SYNPO2: variants seen among roughly 807,000 people sequenced by gnomAD.
The protein encoded by SYNPO2 is synaptopodin-2.
In SYNPO2, 56 loss-of-function variants were observed where a neutral mutation model predicts 85.0. That is an observed-to-expected ratio of 0.66 (90% CI 0.53 to 0.82). The LOEUF (loss-of-function observed/expected upper bound fraction) is 0.82, where lower values mean the gene tolerates loss of function less well. Ranked by LOEUF, SYNPO2 falls within the 40% of genes least tolerant of loss-of-function variation. The pLI, the probability that SYNPO2 is intolerant of heterozygous loss-of-function variation, is 0.00. For missense variants in SYNPO2, 1,575 were observed against 1,534.2 expected (o/e 1.03, Z -0.44); for synonymous variants, 602 against 591.1 (o/e 1.02, Z -0.27).
rs565610633 is a variant in SYNPO2 at position 118,938,800 on chromosome 4, C to A, written c.105+49659C>A. On this transcript the variant is annotated intron_variant, in intron 1 of 4. Coordinates refer to ENST00000307142, the MANE Select transcript of SYNPO2 (RefSeq NM_133477.3). ...TTGAAAAATAAGTCACCATTACTTT[C>A]TGTTTTTTCCATTGAGATTGCTGAG... 2.2e-4 allele frequency among the ~76,000 whole-genome samples: 34 copies of A among 152,302 alleles called. 1 individual carries two copies. In the South Asian group the frequency reaches 6.8e-3, roughly 31 times the overall value.
chr4:118,962,340 T>A (rs1735131137), intron 1 of SYNPO2, among the ~76,000 whole-genome samples: 1 of 152,222 alleles, frequency 6.6e-6, no homozygotes, highest in African/African-American at 2.4e-5. Flanking sequence ...TATGCTTTTT[T>A]ACTAGAGGCA....
intron 1 of SYNPO2, among the ~76,000 whole-genome samples, chr4:118,876,509 G>A (rs1303479654): frequency 1.3e-5 from 2 of 152,102 alleles, no homozygotes; most frequent in Non-Finnish European, 2.9e-5. Flanking sequence ...TCTCCAAGAT[G>A]CCAAGGAGGC....
At position 119,031,470 on chromosome 4, in the gene SYNPO2, C is replaced by T; in HGVS notation, c.2695C>T (p.Arg899Ter). Residue 899 changes from arginine to a stop codon, truncating the protein, a stop_gained, in exon 4 of 5, where the codon CGA becomes TGA. Transcript: ENST00000307142. LOFTEE classifies it high-confidence loss of function. ...AGACACGGTGCAGGCCCACGCTGCT[C>T]GAGCTCAGTCTCCCACTCCATCTCT... ...DSDTVQAHAA[R>*]AQSPTPSLPA... is the part of the protein sequence containing the mutation. The T allele has an allele frequency of 6.2e-7, 1 of 1,614,066 alleles. No individual in the cohort carries two copies. The highest frequency in any genetic ancestry group is 8.5e-7 in the Non-Finnish European group (1 of 1,180,014).
chr4:118,871,157 A>G (rs909082542), intron 1 of SYNPO2, among the ~76,000 whole-genome samples: 1 of 152,186 alleles, frequency 6.6e-6, no homozygotes, highest in African/African-American at 2.4e-5. Flanking sequence ...CAGTGCATCA[A>G]CACCAAACAG....
intron 1 of SYNPO2, among the ~76,000 whole-genome samples, chr4:118,892,346 T>C (rs1732404490): frequency 6.6e-6 from 1 of 152,188 alleles, no homozygotes; most frequent in African/African-American, 2.4e-5. Context: ...ATATTCTAAA[T>C]ATATGTGATG....
intron 1 of SYNPO2, among the ~76,000 whole-genome samples, chr4:118,922,236 TA>T (rs2149128802): frequency 6.6e-6 from 1 of 151,418 alleles, no homozygotes; most frequent in African/African-American, 2.4e-5. Flanking sequence ...TTGTTTCTGT[TA>T]CCCTTTTTAA....
intron 1 of SYNPO2, among the ~76,000 whole-genome samples, chr4:118,944,397 T>C (rs1734425249): frequency 6.6e-6 from 1 of 152,146 alleles, no homozygotes; most frequent in Non-Finnish European, 1.5e-5. Flanking sequence ...AACTCCTTAA[T>C]TATTTTTGGA....
intron 2 of SYNPO2, among the ~76,000 whole-genome samples, chr4:119,025,936 T>C (rs1413005439): frequency 2.0e-5 from 3 of 152,152 alleles, no homozygotes; most frequent in African/African-American, 7.2e-5. Flanking sequence ...AAGGAACAGT[T>C]TGACTTCAGA....
In SYNPO2 at chr4:118,944,477, G is replaced by A. The variant is rs1000567373; in HGVS notation, c.105+55336G>A. On this transcript the variant is annotated intron_variant, in intron 1 of 4. Coordinates refer to ENST00000307142, the MANE Select transcript of SYNPO2 (RefSeq NM_133477.3). The stretch of plus-strand genomic sequence containing the variant: ...AAATAAATGGACATATCCATATTGG[G>A]AGTAGCAGAACAACTTGAGTCAAAT... 2.6e-5 allele frequency among the ~76,000 whole-genome samples: 4 copies of A among 152,102 alleles called. No individual in the cohort carries two copies. The East Asian group carries it at 7.7e-4, about 29-fold the overall frequency.
At chr4:119,009,744 A>G (rs10013389) in intron 1 of SYNPO2, among the ~76,000 whole-genome samples, 88,617 of 151,988 alleles carry the variant, frequency 0.58, 25,865 homozygotes, top group South Asian at 0.64. Flanking sequence ...GTCCTCCCTA[A>G]GAAAGCCTGA....
intron 1 of SYNPO2, among the ~76,000 whole-genome samples, chr4:118,991,738 C>T (rs1028194348): frequency 6.6e-6 from 1 of 152,080 alleles, no homozygotes; most frequent in Non-Finnish European, 1.5e-5. Flanking sequence ...AACAATTGTA[C>T]TTAGAGGGAA....
chr4:118,861,650 T>C (rs1427293922), intron 1 of SYNPO2, among the ~76,000 whole-genome samples: 2 of 152,218 alleles, frequency 1.3e-5, no homozygotes, highest in Non-Finnish European at 2.9e-5. Flanking sequence ...ATGAGTTCAC[T>C]GTAGATGTAT....
In SYNPO2 at chr4:119,057,618, T is replaced by C. The variant is rs767516054; in HGVS notation, c.3470T>C (p.Val1157Ala). The C allele has an allele frequency of 3.1e-6, 5 of 1,614,012 alleles. No homozygotes were observed. The highest frequency in any genetic ancestry group is 1.7e-5 in the Admixed American group (1 of 59,996). The change falls in exon 5 of 5, where the codon GTG becomes GCG. Residue 1157 changes from valine (V) to alanine (A), a missense_variant. By Grantham distance (64) the Val-to-Ala change is moderately conservative (BLOSUM62 0). Around this residue, in one of 3 missense-constraint regions of SYNPO2, gnomAD observed 1,508 missense variants for 1,446.8 expected, o/e 1.04. Coordinates refer to ENST00000307142, the MANE Select transcript of SYNPO2 (RefSeq NM_133477.3). ...FQPRNIQESI[V>A]ANVVSAARRK... ...CCCAGAAACATCCAGGAATCCATTG[T>C]GGCAAATGTGGTTTCAGCAGCTCGG...
chr4:118,943,204 C>A (rs1445660936), intron 1 of SYNPO2, among the ~76,000 whole-genome samples: 1 of 152,062 alleles, frequency 6.6e-6, no homozygotes, highest in African/African-American at 2.4e-5. Flanking sequence ...ACACAACCAA[C>A]CATGTCCCCA....
At chr4:118,989,073 G>T (rs1386592819) in intron 1 of SYNPO2, among the ~76,000 whole-genome samples, 1 of 152,210 alleles carries the variant, frequency 6.6e-6, no homozygotes, top group African/African-American at 2.4e-5. Context: ...TTTGGAAATT[G>T]AATTTAAAGG....
At chr4:119,009,111 A>G (rs1737191100) in intron 1 of SYNPO2, among the ~76,000 whole-genome samples, 1 of 152,248 alleles carries the variant, frequency 6.6e-6, no homozygotes, top group African/African-American at 2.4e-5. Flanking sequence ...GTTACATTCC[A>G]TTGTACATCT....
chr4:118,967,159 T>G (rs1245044745), intron 1 of SYNPO2, among the ~76,000 whole-genome samples: 1 of 152,202 alleles, frequency 6.6e-6, no homozygotes, highest in East Asian at 1.9e-4. Context: ...GTGGTTGAAC[T>G]CAGCTACTGA....
intron 1 of SYNPO2, among the ~76,000 whole-genome samples, chr4:118,972,016 C>T (rs372405587): frequency 2.6e-5 from 4 of 152,308 alleles, no homozygotes; most frequent in African/African-American, 4.8e-5. Context: ...TGAACAGCTT[C>T]GTAGGCTTAC....
intron 1 of SYNPO2, among the ~76,000 whole-genome samples, chr4:118,962,478 A>C: frequency 6.6e-6 from 1 of 152,290 alleles, no homozygotes; most frequent in South Asian, 2.1e-4. Flanking sequence ...ATAATAATTA[A>C]AGTATTCAGT....
Sources: gnomAD v4.1 joint callset for allele counts (sites outside exome capture counted in the v4.1 genomes callset) on GRCh38, gnomAD v4.1.1 for gene constraint, gnomAD v4.1.1 regional missense constraint, MANE v1.5 for transcripts, NCBI Gene and HGNC (gene_info 2026-07-23, HGNC 2026-07-21) for gene names.